The following DGKB variants were observed in gnomAD, a reference collection of about 807,000 sequenced individuals.
DGKB encodes the protein 90 kDa diacylglycerol kinase.
Under a neutral mutation model 114.3 loss-of-function variants are expected in DGKB, and 67 were observed. That is an observed-to-expected ratio of 0.59 (90% CI 0.48 to 0.72). The LOEUF (loss-of-function observed/expected upper bound fraction) is 0.72, where lower values mean the gene tolerates loss of function less well. DGKB is among the 30% of genes least tolerant of loss of function. The pLI is 0.00. For synonymous variants in DGKB, 398 were observed against 323.1 expected, an observed-to-expected ratio of 1.23 and a Z score of -2.49; for missense variants, 907 against 975.2, an observed-to-expected ratio of 0.93 and a Z score of 0.93.
At chr7:14,662,287 A>G (rs1237780327) in intron 13 of DGKB, among the ~76,000 whole-genome samples, 1 of 151,990 alleles carries the variant, frequency 6.6e-6, no homozygotes, top group Non-Finnish European at 1.5e-5. Context: ...AAAAAAAGTG[A>G]GATAAATAAT....
intron 20 of DGKB, among the ~76,000 whole-genome samples, chr7:14,490,077 A>G (rs1360102288): frequency 6.6e-6 from 1 of 152,202 alleles, no homozygotes; most frequent in Non-Finnish European, 1.5e-5. Context: ...GCAAAGTACA[A>G]TTATATAGTT....
At chr7:14,932,078 G>C (rs986692016) in intron 1 of DGKB, among the ~76,000 whole-genome samples, 1 of 152,194 alleles carries the variant, frequency 6.6e-6, no homozygotes, top group Non-Finnish European at 1.5e-5. Context: ...GATTGGAGAA[G>C]TTTCTTTTCA....
At chr7:14,335,693 T>A (rs1810522010) in intron 23 of DGKB, among the ~76,000 whole-genome samples, 1 of 152,218 alleles carries the variant, frequency 6.6e-6, no homozygotes, top group African/African-American at 2.4e-5. Context: ...TTGAAATATA[T>A]ATAAATTTGA....
chr7:14,971,020 C>T (rs1787435332), intron 1 of DGKB, among the ~76,000 whole-genome samples: 1 of 152,176 alleles, frequency 6.6e-6, no homozygotes, highest in East Asian at 1.9e-4. Flanking sequence ...TTAGCATTTA[C>T]TTTCATTTTC....
chr7:14,934,267 T>C (rs1261192137), intron 1 of DGKB, among the ~76,000 whole-genome samples: 1 of 152,178 alleles, frequency 6.6e-6, no homozygotes, highest in East Asian at 1.9e-4. Flanking sequence ...ATGTAATAAA[T>C]TGCTCACAGG....
chr7:14,202,436 G>T (rs1181555723), intron 23 of DGKB, among the ~76,000 whole-genome samples: 6 of 152,054 alleles, frequency 3.9e-5, no homozygotes, highest in African/African-American at 1.4e-4. Flanking sequence ...AGGGGCAAAA[G>T]CTGTTGTTAC....
chr7:14,565,055 C>G (rs966704342), intron 20 of DGKB, among the ~76,000 whole-genome samples: 3 of 152,162 alleles, frequency 2.0e-5, no homozygotes, highest in African/African-American at 7.2e-5. Flanking sequence ...GAGGTAGATT[C>G]TATATCTTCT....
chr7:14,806,888 T>A (rs1180975109), intron 2 of DGKB, among the ~76,000 whole-genome samples: 1 of 151,954 alleles, frequency 6.6e-6, no homozygotes, highest in Non-Finnish European at 1.5e-5. Context: ...GCATTTGTTG[T>A]AGGGATAAGC....
chr7:14,272,691 C>T (rs906817291), intron 23 of DGKB, among the ~76,000 whole-genome samples: 2 of 151,980 alleles, frequency 1.3e-5, no homozygotes, highest in African/African-American at 2.4e-5. Context: ...CCATTAGTGT[C>T]TATGAGACAT....
intron 19 of DGKB, among the ~76,000 whole-genome samples, chr7:14,580,552 A>C (rs1324757114): frequency 3.3e-5 from 5 of 152,156 alleles, no homozygotes; most frequent in Admixed American, 1.3e-4. Flanking sequence ...AATTACCTTG[A>C]AGTGCATCCA....
At chr7:14,836,041 T>C (rs895383683) in intron 2 of DGKB, among the ~76,000 whole-genome samples, 3 of 152,168 alleles carry the variant, frequency 2.0e-5, no homozygotes, top group African/African-American at 7.2e-5. Context: ...TGAGGTGGGA[T>C]TCTACTTTTT....
At chr7:14,492,715 C>T (rs961221029) in intron 20 of DGKB, among the ~76,000 whole-genome samples, 2 of 151,936 alleles carry the variant, frequency 1.3e-5, no homozygotes, top group African/African-American at 2.4e-5. Flanking sequence ...TAACAAACAC[C>T]TCTAAAAATA....
intron 1 of DGKB, among the ~76,000 whole-genome samples, chr7:14,969,189 T>G (rs534300987): frequency 1.3e-5 from 2 of 152,246 alleles, no homozygotes; most frequent in African/African-American, 4.8e-5. Flanking sequence ...CGCAAAAAAT[T>G]TAAATGAATA....
intron 1 of DGKB, among the ~76,000 whole-genome samples, chr7:14,919,283 G>A (rs1587381048): frequency 1.3e-5 from 2 of 152,098 alleles, no homozygotes; most frequent in African/African-American, 2.4e-5. Context: ...AATTAGATAT[G>A]GAATACAACA....
At chr7:14,698,527 T>C (rs903456726) in intron 7 of DGKB, among the ~76,000 whole-genome samples, 11 of 152,168 alleles carry the variant, frequency 7.2e-5, no homozygotes, top group Middle Eastern at 3.4e-3. Flanking sequence ...GGCTTGAAAA[T>C]AGATGTGAAA....
At chr7:14,280,974 A>C (rs1307963728) in intron 23 of DGKB, among the ~76,000 whole-genome samples, 1 of 151,834 alleles carries the variant, frequency 6.6e-6, no homozygotes, top group African/African-American at 2.4e-5. Flanking sequence ...ATCACCAGCT[A>C]ACATCATAAT....
chr7:14,883,241 G>A (rs1854513800), intron 1 of DGKB, among the ~76,000 whole-genome samples: 1 of 151,774 alleles, frequency 6.6e-6, no homozygotes, highest in Non-Finnish European at 1.5e-5. Flanking sequence ...ATACATATAT[G>A]TATACACATA....
chr7:14,315,129 G>A (rs1442444078), intron 23 of DGKB, among the ~76,000 whole-genome samples: 1 of 145,214 alleles, frequency 6.9e-6, no homozygotes, highest in African/African-American at 2.5e-5. Context: ...GCTCCTGAAG[G>A]AAGCGCTAAA....
At chr7:14,810,898 G>T (rs907871345) in intron 2 of DGKB, among the ~76,000 whole-genome samples, 1 of 152,102 alleles carries the variant, frequency 6.6e-6, no homozygotes, top group Non-Finnish European at 1.5e-5. Flanking sequence ...TGTGAGTCAC[G>T]GCGCCCGGCC....
Sources: gnomAD v4.1 joint callset for allele counts (sites outside exome capture counted in the v4.1 genomes callset) on GRCh38, gnomAD v4.1.1 for gene constraint, MANE v1.5 for transcripts, NCBI Gene and HGNC (gene_info 2026-07-23, HGNC 2026-07-21) for gene names.